Variants in FUT1 observed in about 807,000 individuals in gnomAD.
FUT1 encodes fucosyltransferase 1 (H blood group), also known as galactoside alpha-(1,2)-fucosyltransferase 1.
For missense variants in FUT1, 476 were observed against 492.7 expected (o/e 0.97, Z 0.32); for synonymous variants, 215 against 208.7 (o/e 1.03, Z -0.26).
In FUT1 at chr19:48,751,201, G is replaced by C; in HGVS notation, c.81C>G (p.Ile27Met). 6.2e-7 allele frequency: 1 copy of C among 1,614,206 alleles called. No homozygotes were observed. The highest frequency in any genetic ancestry group is 2.2e-5 in the East Asian group (1 of 44,888). The change falls in exon 2 of 2, where the codon ATC becomes ATG. Residue 27 changes from isoleucine to methionine, a missense_variant. Transcript: ENST00000645652. ...GGCCATGTGGAAAGCTGTCTTGATG[G>C]ATATGGAGGAAGAAGATTACAGAGA... Reference protein sequence around the residue: ...CVLSVIFFLHIHQDSFPHGLG... With the variant: ...CVLSVIFFLHMHQDSFPHGLG...
At chr19:48,753,162 G>A (rs2034031517), upstream of FUT1, 1 of 153,396 alleles carries the variant, frequency 6.5e-6, no homozygotes, top group South Asian at 2.1e-4. Flanking sequence ...TGCCGCCGGA[G>A]CGCGCGAGGG....
In FUT1 at chr19:48,749,107, A is replaced by G. The variant is rs2033952617; in HGVS notation, c.*1077T>C. ...GGAGATCGAGACCATCCTGGTTAAC[A>G]CGATGAAACCCCGTCTCTACTAAAA... On this transcript the variant is annotated 3_prime_UTR_variant, in exon 2 of 2. Coordinates refer to ENST00000645652, the MANE Select transcript of FUT1 (RefSeq NM_001384359.1). 1 of 151,886 alleles carries G rather than the reference A, an allele frequency of 6.6e-6. No homozygotes were observed. The highest frequency in any genetic ancestry group is 6.6e-5 in the Admixed American group (1 of 15,208). 9.4% of individuals were successfully genotyped at this position (151,886 alleles called of 1,614,324 possible). A position where few individuals can be genotyped will look rare whatever the true frequency, so the allele number is the denominator to read the frequency against.
upstream of FUT1, chr19:48,752,828 G>A: frequency 1.0e-6 from 1 of 985,470 alleles, no homozygotes; most frequent in Non-Finnish European, 1.2e-6. The surrounding 1 kb of genome is among the most constrained non-coding windows in gnomAD (Gnocchi z 4.3). Context: ...GGATGCAGGG[G>A]ACCGCGCCCT....
At chr19:48,754,495 G>A (rs867775762), upstream of FUT1, among the ~76,000 whole-genome samples, 6 of 152,204 alleles carry the variant, frequency 3.9e-5, no homozygotes, top group Middle Eastern at 3.4e-3. Context: ...CCCTTATGCC[G>A]GTGTGACAGA....
Position 48,750,129 on chromosome 19 carries a change from C to T in FUT1, c.*55G>A, listed in dbSNP as rs2122552487. The T allele has an allele frequency of 6.3e-7, 1 of 1,578,856 alleles. No individual in the cohort carries two copies. The highest frequency in any genetic ancestry group is 8.6e-7 in the Non-Finnish European group (1 of 1,165,372). Reference sequence around the variant, plus strand: ...TCCAGAAGATGCCAGGCCTCTGAAGCCACGTACTGCTGGCTCTAGAAAGAT... The same window carrying T: ...TCCAGAAGATGCCAGGCCTCTGAAGTCACGTACTGCTGGCTCTAGAAAGAT... On this transcript the variant is annotated 3_prime_UTR_variant, in exon 2 of 2. Transcript: ENST00000645652.
rs2033989512 is a variant in FUT1 at position 48,750,883 on chromosome 19, T to C, written c.399A>G (p.Pro133=). Residue 133 remains proline (P), a synonymous_variant, in exon 2 of 2, where the codon CCA becomes CCG. Transcript: ENST00000645652. The part of the protein sequence containing the change: ...VFRITLPVLA[P]EVDSRTPWRE... ...GCCACGGCGTGCGGCTGTCCACTTCTGGGGCCAGCACGGGCAGGGTGATGC... is the reference window on the plus strand; with the variant it reads ...GCCACGGCGTGCGGCTGTCCACTTCCGGGGCCAGCACGGGCAGGGTGATGC... 6.2e-7 allele frequency: 1 copy of C among 1,613,704 alleles called. No homozygotes were observed. Among genetic ancestry groups the C allele is most frequent in the East Asian group, 2.2e-5 (1 of 44,884 alleles).
At chr19:48,753,522 A>G (rs2034037343), upstream of FUT1, 3 of 152,352 alleles carry the variant, frequency 2.0e-5, no homozygotes, top group Admixed American at 1.3e-4. Flanking sequence ...AGGCTAACGT[A>G]GGGTCCAGCC....
At chr19:48,753,979 T>C (rs1359593336), upstream of FUT1, among the ~76,000 whole-genome samples, 3 of 151,732 alleles carry the variant, frequency 2.0e-5, no homozygotes, top group Admixed American at 1.3e-4. Flanking sequence ...GGTCAGGAGG[T>C]GGAGGCCATC....
Position 48,750,312 on chromosome 19 carries a change from A to T in FUT1, c.970T>A (p.Tyr324Asn). 6.2e-7 allele frequency: 1 copy of T among 1,614,188 alleles called. No homozygotes were observed. The highest frequency in any genetic ancestry group is 8.5e-7 in the Non-Finnish European group (1 of 1,180,032). The part of the protein sequence containing the change: ...AAYLAGGDTV[Y>N]LANFTLPDSE... ...TCTGGCAGGGTGAAGTTGGCCAGGT[A>T]GACAGTGTCTCCGCCAGCCAGGTAG... The change falls in exon 2 of 2, where the codon TAC (tyrosine) becomes AAC (asparagine). Residue 324 changes from tyrosine (Y) to asparagine (N), a missense_variant. Tyr to Asn is a moderately radical substitution (Grantham distance 143, BLOSUM62 -2). Transcript: ENST00000645652.
upstream of FUT1, among the ~76,000 whole-genome samples, chr19:48,755,078 C>T (rs754189677): frequency 1.3e-5 from 2 of 151,472 alleles, no homozygotes; most frequent in African/African-American, 2.4e-5. Context: ...GATCCCTAGC[C>T]CCTACTCCCT....
chr19:48,752,549 C>T lies in FUT1; in HGVS notation c.-62G>A, dbSNP rs750609105. On this transcript the variant is annotated 5_prime_UTR_variant, in exon 1 of 2. Transcript: ENST00000645652. This position sits in a 1 kb window ranked among gnomAD's most constrained non-coding sequence, Gnocchi z 4.3. ...CTTTTCGTGGCCGGAGCGCACCCTC[C>T]GCAAAGGCAGGCCACATCCGGCCGC... 33 of 985,334 alleles carry T rather than the reference C, an allele frequency of 3.3e-5. No individual in the cohort carries two copies. The highest frequency in any genetic ancestry group is 1.1e-4 in the East Asian group (1 of 8,850). 61.0% of individuals were successfully genotyped at this position (985,334 alleles called of 1,614,324 possible). A position where few individuals can be genotyped will look rare whatever the true frequency, so the allele number is the denominator to read the frequency against.
At position 48,750,577 on chromosome 19, in the gene FUT1, C is replaced by T. The variant is rs750295143; in HGVS notation, c.705G>A (p.Val235=). 1.2e-6 allele frequency: 2 copies of T among 1,611,616 alleles called. No homozygotes were observed. The highest frequency in any genetic ancestry group is 4.5e-5 in the East Asian group (2 of 44,880). ...LQVMPQRWKG[V]VGDSAYLRQA... ...GCCGGAGGTAGGCGCTGTCGCCCAC[C>T]ACACCCTTCCAGCGCTGAGGCATAA... Residue 235 remains valine, a synonymous_variant, in exon 2 of 2, where the codon GTG becomes GTA. Transcript: ENST00000645652.
upstream of FUT1, among the ~76,000 whole-genome samples, chr19:48,754,047 G>C (rs967623109): frequency 6.6e-6 from 1 of 151,984 alleles, no homozygotes; most frequent in Non-Finnish European, 1.5e-5. Context: ...ATCCGGGCGC[G>C]TGGTGGAGGG....
Position 48,750,948 on chromosome 19 carries a change from T to C in FUT1, c.334A>G (p.Ile112Val), listed in dbSNP as rs775322530. Reference protein sequence around the residue: ...LAQLNGRRAFILPAMHAALAP... With the variant: ...LAQLNGRRAFVLPAMHAALAP... ...AGGGCGGCATGCATGGCAGGCAGGA[T>C]AAAGGCCCGGCGGCCGTTGAGCTGG... Residue 112 changes from isoleucine to valine, a missense_variant, in exon 2 of 2, where the codon ATC becomes GTC. Transcript: ENST00000645652. 5 of 1,608,030 alleles carry C rather than the reference T, an allele frequency of 3.1e-6. No homozygotes were observed. In the East Asian group the frequency reaches 1.1e-4, roughly 36 times the overall value.
chr19:48,750,835 C>A lies in FUT1; in HGVS notation c.447G>T (p.Trp149Cys), dbSNP rs780261264. The A allele has an allele frequency of 6.2e-7, 1 of 1,613,882 alleles. No homozygotes were observed. Among genetic ancestry groups the A allele is most frequent in the South Asian group, 1.1e-5 (1 of 91,090 alleles). Reference sequence around the variant, plus strand: ...TCAAGTCCGCGTACTCCTCCGACATCCAGTCGTGAAGCTGCAGCTCCCGCC... The same window carrying A: ...TCAAGTCCGCGTACTCCTCCGACATACAGTCGTGAAGCTGCAGCTCCCGCC... Reference protein sequence around the residue: ...TPWRELQLHDWMSEEYADLRD... With the variant: ...TPWRELQLHDCMSEEYADLRD... The change falls in exon 2 of 2, where the codon TGG becomes TGT. Residue 149 changes from tryptophan (W) to cysteine (C), a missense_variant. Transcript: ENST00000645652.
Position 48,752,424 on chromosome 19 carries a change from C to T in FUT1, c.-3+66G>A. ...ACCTGGAGAAGAGGTTGGGGGTGCA[C>T]CTCCTGGTTCTGAAGGAGTTGTTCC... On this transcript the variant is annotated intron_variant, in intron 1 of 1. Transcript: ENST00000645652. The surrounding 1 kb of genome is among the most constrained non-coding windows in gnomAD (Gnocchi z 4.3). 1 of 954,150 alleles carries T rather than the reference C, an allele frequency of 1.0e-6. No individual in the cohort carries two copies. The highest frequency in any genetic ancestry group is 1.2e-6 in the Non-Finnish European group (1 of 801,422). The allele number at this position is 954,150 out of a possible 1,614,324, so 59.1% of individuals were successfully genotyped here.
chr19:48,752,479 T>C lies in FUT1; in HGVS notation c.-3+11A>G, dbSNP rs765070119. ...TCCCAGGAACAACTGAGTGGGGCAG[T>C]CCCCACTTACCCGAGCTGCTTGCAG... On this transcript the variant is annotated intron_variant, in intron 1 of 1. Coordinates refer to ENST00000645652, the MANE Select transcript of FUT1 (RefSeq NM_001384359.1). The surrounding 1 kb of genome is among the most constrained non-coding windows in gnomAD (Gnocchi z 4.3). 2.0e-6 allele frequency: 2 copies of C among 985,182 alleles called. No homozygotes were observed. Among genetic ancestry groups the C allele is most frequent in the Non-Finnish European group, 2.4e-6 (2 of 829,806 alleles). 61.0% of individuals were successfully genotyped at this position (985,182 alleles called of 1,614,324 possible).
rs574828682 is a variant in FUT1, at chr19:48,750,208, T to A, written c.1074A>T (p.Pro358=). The A allele has an allele frequency of 6.2e-7, 1 of 1,610,774 alleles. No homozygotes were observed. Among genetic ancestry groups the A allele is most frequent in the South Asian group, 1.1e-5 (1 of 90,542 alleles). Residue 358 remains proline (P), a synonymous_variant, in exon 2 of 2, where the codon CCA becomes CCT. Transcript: ENST00000645652. Reference sequence around the variant, plus strand: ...CTCAAGGCTTAGCCAATGTCCAGAGTGGAGACAAGTCTGCATTAATGCCCA... The same window carrying A: ...CTCAAGGCTTAGCCAATGTCCAGAGAGGAGACAAGTCTGCATTAATGCCCA... ...EWVGINADLS[P]LWTLAKP
At chr19:48,753,464 T>C (rs1303618911), upstream of FUT1, 1 of 152,236 alleles carries the variant, frequency 6.6e-6, no homozygotes, top group Non-Finnish European at 1.5e-5. Flanking sequence ...TTAAAGCATT[T>C]TCTCTGGTCC....
Sources: gnomAD v4.1 joint callset for allele counts (sites outside exome capture counted in the v4.1 genomes callset) on GRCh38, gnomAD v4.1.1 for gene constraint, Gnocchi (gnomAD v3.1) non-coding constraint, MANE v1.5 for transcripts, NCBI Gene and HGNC (gene_info 2026-07-23, HGNC 2026-07-21) for gene names.